Variants in CAPN13 observed in about 807,000 individuals in gnomAD.
CAPN13 encodes calpain-13.
A neutral mutation model predicts 98.4 loss-of-function variants in CAPN13; 90 were observed. The observed-to-expected ratio is 0.92, with a 90% CI of 0.77 to 1.09. The LOEUF (loss-of-function observed/expected upper bound fraction) is 1.09, where lower values mean the gene tolerates loss of function less well. Among genes scored for constraint, CAPN13 ranks in the 50% least tolerant of loss-of-function variants. The pLI is 0.00. For missense variants in CAPN13, 887 were observed against 841.3 expected, an observed-to-expected ratio of 1.05 and a Z score of -0.67; for synonymous variants, 330 against 305.5, an observed-to-expected ratio of 1.08 and a Z score of -0.84.
chr2:30,796,971 T>C (rs537451944), intron 1 of CAPN13, among the ~76,000 whole-genome samples: 215 of 152,298 alleles, frequency 1.4e-3, no homozygotes, highest in Non-Finnish European at 2.6e-3. Context: ...AGGCAAGCCC[T>C]TTGCTTGCAA....
rs1366645298 is a variant in CAPN13, at chr2:30,775,948, A to G, written c.369T>C (p.Ala123=). 6.2e-7 allele frequency: 1 copy of G among 1,610,010 alleles called. No individual in the cohort carries two copies. Among genetic ancestry groups the G allele is most frequent in the South Asian group, 1.1e-5 (1 of 90,074 alleles). The part of the protein sequence containing the change: ...LMVQSFSHQY[A]GIFRFRFWQC... ...CACGTACCCGGAAACGGAAAATGCC[A>G]GCATACTGGTGTGAAAAGCTTTGGA... Residue 123 remains alanine (A), a synonymous_variant, in exon 4 of 23, where the codon GCT becomes GCC. Transcript: ENST00000295055.
At chr2:30,778,550 G>A (rs930330256) in intron 2 of CAPN13, among the ~76,000 whole-genome samples, 1 of 152,202 alleles carries the variant, frequency 6.6e-6, no homozygotes, top group Non-Finnish European at 1.5e-5. Context: ...TGACCAATAA[G>A]TCTGCAGAGA....
intron 8 of CAPN13, among the ~76,000 whole-genome samples, chr2:30,757,209 G>T (rs1368524842): frequency 6.6e-6 from 1 of 152,238 alleles, no homozygotes. Context: ...CTGGAGGAAT[G>T]CGACCAGGCT....
intron 22 of CAPN13, 55 bp downstream of exon 22, chr2:30,730,675 G>A (rs1218950488): frequency 1.3e-6 from 1 of 772,670 alleles, no homozygotes; most frequent in Non-Finnish European, 2.4e-6. Context: ...TTCTTAGAGG[G>A]GAAGGAGGAC....
intron 13 of CAPN13, chr2:30,743,093 G>T: frequency 4.7e-6 from 2 of 427,412 alleles, no homozygotes; most frequent in Admixed American, 4.0e-5. Flanking sequence ...CCCAGCTCAC[G>T]TGTCATTTCC....
intron 9 of CAPN13, among the ~76,000 whole-genome samples, chr2:30,753,444 A>G (rs891119891): frequency 3.9e-5 from 6 of 152,170 alleles, no homozygotes; most frequent in African/African-American, 1.4e-4. Flanking sequence ...ATTTACTGCC[A>G]TCTCCTTAAC....
At chr2:30,798,699 A>G (rs1675016171) in intron 1 of CAPN13, among the ~76,000 whole-genome samples, 1 of 152,194 alleles carries the variant, frequency 6.6e-6, no homozygotes, top group Non-Finnish European at 1.5e-5. Context: ...GATGTAATGT[A>G]GCAGAACACG....
chr2:30,736,631 T>C, intron 17 of CAPN13, 60 bp from the exon 18 acceptor site: 1 of 1,521,422 alleles, frequency 6.6e-7, no homozygotes, highest in Non-Finnish European at 9.1e-7. Context: ...GCTGCCATCC[T>C]GCCAACAAAG....
chr2:30,791,615 G>T (rs924412044), intron 1 of CAPN13, among the ~76,000 whole-genome samples: 1 of 152,212 alleles, frequency 6.6e-6, no homozygotes, highest in Admixed American at 6.5e-5. Context: ...CATATAACCA[G>T]TAAGTCCTTT....
intron 11 of CAPN13, among the ~76,000 whole-genome samples, chr2:30,746,940 G>C (rs1201296318): frequency 6.6e-6 from 1 of 152,250 alleles, no homozygotes; most frequent in Non-Finnish European, 1.5e-5. Flanking sequence ...GGAAGGGGGA[G>C]ATTTTGACAG....
At chr2:30,725,306 T>C (rs1213506471) in intron 22 of CAPN13, among the ~76,000 whole-genome samples, 1 of 152,226 alleles carries the variant, frequency 6.6e-6, no homozygotes, top group Non-Finnish European at 1.5e-5. Flanking sequence ...CAACAAGGCA[T>C]ACACTTTGTT....
Position 30,742,257 on chromosome 2 carries a change from G to C in CAPN13, c.1479+69C>G, listed in dbSNP as rs1000536677. On this transcript the variant is annotated intron_variant, in intron 14 of 22. Transcript: ENST00000295055. ...GGGGGCAGCGGGAGGTGTAAAGAAG[G>C]AGACGGAAGCTCTTGGGGATGGGAT... The C allele has an allele frequency of 1.8e-5, 28 of 1,522,538 alleles. No individual in the cohort carries two copies. In the Admixed American group the frequency reaches 1.9e-4, roughly 10 times the overall value. The allele number at this position is 1,522,538 out of a possible 1,614,324, so 94.3% of individuals were successfully genotyped here. A position where few individuals can be genotyped will look rare whatever the true frequency, so the allele number is the denominator to read the frequency against.
chr2:30,764,337 G>T (rs772807086), intron 5 of CAPN13, 31 bp from the exon 6 acceptor site: 2 of 1,607,340 alleles, frequency 1.2e-6, no homozygotes, highest in Admixed American at 3.3e-5. Context: ...AACCATCGTG[G>T]TGCCTTTGGT....
At chr2:30,770,778 G>T (rs1359229340) in intron 4 of CAPN13, among the ~76,000 whole-genome samples, 1 of 152,206 alleles carries the variant, frequency 6.6e-6, no homozygotes, top group Non-Finnish European at 1.5e-5. Flanking sequence ...AACTCTCCAG[G>T]TACTTCTTGT....
intron 2 of CAPN13, among the ~76,000 whole-genome samples, chr2:30,784,869 C>A (rs1159474812): frequency 6.6e-6 from 1 of 152,192 alleles, no homozygotes; most frequent in Non-Finnish European, 1.5e-5. Flanking sequence ...GCTCCTAAAG[C>A]CAGGCCTGCC....
At chr2:30,802,557 G>A (rs1675353288) in intron 1 of CAPN13, among the ~76,000 whole-genome samples, 1 of 148,274 alleles carries the variant, frequency 6.7e-6, no homozygotes, top group African/African-American at 2.5e-5. Context: ...GGGGGGGGTG[G>A]TGGTTAGACC....
chr2:30,789,393 T>C (rs190636221), intron 1 of CAPN13, among the ~76,000 whole-genome samples: 2 of 152,368 alleles, frequency 1.3e-5, no homozygotes, highest in East Asian at 3.9e-4. Context: ...TTTTGGTTTA[T>C]GAAAACCAAA....
chr2:30,787,441 G>T, intron 1 of CAPN13, 84 bp from the exon 2 acceptor site: 1 of 987,440 alleles, frequency 1.0e-6, no homozygotes, highest in Non-Finnish European at 1.5e-6. Context: ...TGGGCACTCT[G>T]ATATACCACC....
intron 1 of CAPN13, among the ~76,000 whole-genome samples, chr2:30,793,440 G>A (rs1445691593): frequency 6.6e-6 from 1 of 151,516 alleles, no homozygotes; most frequent in East Asian, 1.9e-4. Flanking sequence ...AAAATTAAAG[G>A]AAAACTAAAT....
Sources: allele counts gnomAD v4.1 joint callset (sites outside exome capture counted in the v4.1 genomes callset), GRCh38; gene constraint gnomAD v4.1.1; transcripts MANE v1.5; gene names NCBI Gene and HGNC (gene_info 2026-07-23, HGNC 2026-07-21).